ZNF487: variants seen among roughly 807,000 people sequenced by gnomAD.
ZNF487 encodes the protein KRAB domain only 1.
A neutral mutation model predicts 3.0 loss-of-function variants in ZNF487; 4 were observed. The observed-to-expected ratio is 1.35, with a 90% CI of 0.66 to 3.08. The LOEUF (loss-of-function observed/expected upper bound fraction) is 3.08, where lower values mean the gene tolerates loss of function less well. Ranked by LOEUF, ZNF487 falls within the 30% of genes most tolerant of loss-of-function variation. The probability of loss-of-function intolerance (pLI) is 0.01; values close to 1 mark genes in which losing one functional copy is unlikely to be tolerated. For synonymous variants in ZNF487, 55 were observed against 34.6 expected, an observed-to-expected ratio of 1.59 and a Z score of -2.06; for missense variants, 146 against 98.7, an observed-to-expected ratio of 1.48 and a Z score of -2.03.
intron 1 of ZNF487, among the ~76,000 whole-genome samples, chr10:43,440,053 T>TGTTTC (rs200355674): frequency 6.0e-5 from 1 of 16,764 alleles, no homozygotes; most frequent in Non-Finnish European, 3.9e-4. Flanking sequence ...TATATATATA[T>TGTTTC]ATTTTTTTTT....
chr10:43,466,703 T>G (rs1840720279), intron 1 of ZNF487, among the ~76,000 whole-genome samples: 1 of 152,044 alleles, frequency 6.6e-6, no homozygotes, highest in Non-Finnish European at 1.5e-5. Flanking sequence ...GCCCAGCTGG[T>G]TTACTGATTA....
chr10:43,479,956 CTCTTTCTTTCTTTCTTTTCTTTCTTTCCT>C (rs148785760), intron 3 of ZNF487, among the ~76,000 whole-genome samples: 1,445 of 56,034 alleles, frequency 0.026, 74 homozygotes, highest in Non-Finnish European at 0.04. Flanking sequence ...GCACCTGACT[CTCTTTCTTTCTTTCTTTTCTTTCTTTCCT>C]TCTTTCTTTC....
At chr10:43,446,842 C>T (rs879775252) in intron 1 of ZNF487, among the ~76,000 whole-genome samples, 110 of 152,256 alleles carry the variant, frequency 7.2e-4, no homozygotes, top group Middle Eastern at 3.4e-3. Flanking sequence ...CCAAGGCAGG[C>T]GGCTGGGAGG....
the ZNF487 span, among the ~76,000 whole-genome samples, chr10:43,514,025 T>G: frequency 6.6e-6 from 1 of 152,168 alleles, no homozygotes; most frequent in Non-Finnish European, 1.5e-5. Context: ...TGTAGTAGGG[T>G]TCTTCCTCAA....
At chr10:43,519,110 C>T in the ZNF487 span, among the ~76,000 whole-genome samples, 1 of 151,830 alleles carries the variant, frequency 6.6e-6, no homozygotes, top group Non-Finnish European at 1.5e-5. Context: ...GAGATGGGGT[C>T]TTGCTGTGCT....
At chr10:43,502,324 T>C in the ZNF487 span, among the ~76,000 whole-genome samples, 1 of 151,998 alleles carries the variant, frequency 6.6e-6, no homozygotes, top group Non-Finnish European at 1.5e-5. Flanking sequence ...CAGGTGGGAA[T>C]TGAACAATGA....
chr10:43,523,335 A>T, the ZNF487 span: 1 of 152,284 alleles, frequency 6.6e-6, no homozygotes, highest in African/African-American at 2.4e-5. Context: ...ATACTGATGG[A>T]AGACAGAAAT....
Position 43,475,717 on chromosome 10 carries a change from C to G in ZNF487, c.-93-4C>G, listed in dbSNP as rs1240309565. 1.3e-6 allele frequency: 1 copy of G among 780,448 alleles called. No individual in the cohort carries two copies. The highest frequency in any genetic ancestry group is 2.4e-6 in the Non-Finnish European group (1 of 417,906). The allele number at this position is 780,448 out of a possible 1,614,324, so 48.3% of individuals were successfully genotyped here. A position where few individuals can be genotyped will look rare whatever the true frequency, so the allele number is the denominator to read the frequency against. ...GTAGAATGAAAACAAATGTACTGTT[C>G]TAGGGATCAGTGTCCTTCAGTGATG... On this transcript the variant is annotated splice_polypyrimidine_tract_variant and splice_region_variant and intron_variant, in intron 1 of 3. Coordinates refer to ENST00000437590, the MANE Select transcript of ZNF487 (RefSeq NM_001355444.3).
At chr10:43,521,425 G>A in the ZNF487 span, among the ~76,000 whole-genome samples, 652 of 152,196 alleles carry the variant, frequency 4.3e-3, 9 homozygotes, top group African/African-American at 0.015. Context: ...TCCTACACTA[G>A]CGGACTATTT....
Position 43,475,843 on chromosome 10 carries a change from A to G in ZNF487, c.30A>G (p.Ser10=). MLENYSLLL[S]VGYCITKPEV... is the part of the protein sequence containing the mutation. ...TGGAGAACTACAGCCTCCTCCTCTC[A>G]GTGGGTAAGGATTATGTAATTTGCA... Residue 10 remains serine (S), a synonymous_variant, in exon 2 of 4, where the codon TCA becomes TCG. Coordinates refer to ENST00000437590, the MANE Select transcript of ZNF487 (RefSeq NM_001355444.3). The G allele has an allele frequency of 2.6e-6, 2 of 776,680 alleles. No homozygotes were observed. Among genetic ancestry groups the G allele is most frequent in the African/African-American group, 1.7e-5 (1 of 59,130 alleles). The allele number at this position is 776,680 out of a possible 1,614,324, so 48.1% of individuals were successfully genotyped here.
the ZNF487 span, among the ~76,000 whole-genome samples, chr10:43,491,551 C>T: frequency 6.6e-6 from 1 of 151,624 alleles, no homozygotes; most frequent in Non-Finnish European, 1.5e-5. Context: ...CTGAAGATCC[C>T]TGCCTGCCCG....
chr10:43,443,177 C>G (rs1232902910), intron 1 of ZNF487, among the ~76,000 whole-genome samples: 1 of 151,320 alleles, frequency 6.6e-6, no homozygotes, highest in Non-Finnish European at 1.5e-5. Context: ...ATTCTCCTGC[C>G]TCAGCCTCCC....
At chr10:43,487,355 G>A (rs912300234), downstream of ZNF487, among the ~76,000 whole-genome samples, 2 of 151,870 alleles carry the variant, frequency 1.3e-5, no homozygotes, top group Non-Finnish European at 2.9e-5. Flanking sequence ...TAGCCAGGAT[G>A]GTCTCGATTT....
At chr10:43,510,000 G>A in the ZNF487 span, among the ~76,000 whole-genome samples, 1 of 152,030 alleles carries the variant, frequency 6.6e-6, no homozygotes, top group East Asian at 1.9e-4. Flanking sequence ...TTCATACAAT[G>A]GGAAACGTAC....
intron 1 of ZNF487, among the ~76,000 whole-genome samples, chr10:43,465,021 G>C (rs561614746): frequency 0.028 from 3,930 of 138,172 alleles, 87 homozygotes; most frequent in Non-Finnish European, 0.039. Context: ...CTCCCTCCCG[G>C]ACGGGGCGGC....
chr10:43,454,721 G>A (rs527650312), intron 1 of ZNF487: 5 of 152,106 alleles, frequency 3.3e-5, no homozygotes, highest in Admixed American at 3.3e-4. Context: ...GCTGAGAAAA[G>A]ATAAAGCAGA....
chr10:43,455,355 A>G (rs570601652), intron 1 of ZNF487, among the ~76,000 whole-genome samples: 1 of 152,274 alleles, frequency 6.6e-6, no homozygotes, highest in South Asian at 2.1e-4. Flanking sequence ...TATTGCAAGT[A>G]AGTCTCAAAT....
the ZNF487 span, among the ~76,000 whole-genome samples, chr10:43,489,818 T>A: frequency 2.0e-5 from 3 of 152,178 alleles, no homozygotes; most frequent in East Asian, 5.8e-4. Flanking sequence ...TAAAAAATAC[T>A]AAATCCAATA....
chr10:43,490,983 C>CT, the ZNF487 span, among the ~76,000 whole-genome samples: 88,601 of 132,466 alleles, frequency 0.67, 30,587 homozygotes, highest in Non-Finnish European at 0.76. Context: ...CTTTTTTTTT[C>CT]TTTTTTTTTT....
Sources: allele counts gnomAD v4.1 joint callset (sites outside exome capture counted in the v4.1 genomes callset), GRCh38; gene constraint gnomAD v4.1.1; transcripts MANE v1.5; gene names NCBI Gene and HGNC (gene_info 2026-07-23, HGNC 2026-07-21).